Variants in MARK1 observed in about 807,000 individuals in gnomAD.
MARK1 encodes microtubule affinity regulating kinase 1, also known as serine/threonine-protein kinase MARK1.
In MARK1, 40 loss-of-function variants were observed where a neutral mutation model predicts 96.3. The ratio of observed to expected loss-of-function variants is 0.42; its 90% CI spans 0.32 to 0.54. MARK1 has a LOEUF of 0.54. Among genes scored for constraint, MARK1 ranks in the 20% least tolerant of loss-of-function variants. MARK1 has a pLI of 0.16. For missense variants in MARK1, 719 were observed against 984.6 expected, an observed-to-expected ratio of 0.73 and a Z score of 3.61; for synonymous variants, 317 against 341.2, an observed-to-expected ratio of 0.93 and a Z score of 0.78.
intron 6 of MARK1, among the ~76,000 whole-genome samples, chr1:220,615,140 G>A (rs1353647065): frequency 6.6e-6 from 1 of 151,974 alleles, no homozygotes; most frequent in Non-Finnish European, 1.5e-5. Flanking sequence ...TTCTATTTCT[G>A]TATTTTATGT....
rs1391680399 is a variant in MARK1 at position 220,576,401 on chromosome 1, G to A, written c.52-2953G>A. Among the ~76,000 whole-genome samples the A allele has an allele frequency of 4.4e-5, 6 of 136,288 alleles. No individual in the cohort carries two copies. In the East Asian group the frequency reaches 1.4e-3, roughly 31 times the overall value. 89.4% of individuals were successfully genotyped at this position (136,288 alleles called of 152,430 possible). ...TAGCTTGGGACTCGCATACCATCAT[G>A]TCTAACTCATTTTATTGGCCAAAAA... On this transcript the variant is annotated intron_variant, in intron 1 of 17. Coordinates refer to ENST00000366917, the MANE Select transcript of MARK1 (RefSeq NM_018650.5).
At chr1:220,653,516 G>A (rs1190248496) in intron 16 of MARK1, among the ~76,000 whole-genome samples, 164 bp downstream of exon 16, 2 of 152,000 alleles carry the variant, frequency 1.3e-5, no homozygotes, top group East Asian at 3.9e-4. Flanking sequence ...AAGACATAAA[G>A]TATTTTTCCT....
chr1:220,644,338 TA>T (rs1668455927), intron 13 of MARK1, among the ~76,000 whole-genome samples: 1 of 151,392 alleles, frequency 6.6e-6, no homozygotes, highest in African/African-American at 2.4e-5. Context: ...TACATAATGG[TA>T]AAAGGTTCAA....
chr1:220,651,196 AT>A (rs1558324764), intron 14 of MARK1, among the ~76,000 whole-genome samples: 2 of 152,170 alleles, frequency 1.3e-5, no homozygotes, highest in African/African-American at 4.8e-5. Flanking sequence ...AATAAATCAT[AT>A]TATTTTTATT....
intron 3 of MARK1, among the ~76,000 whole-genome samples, chr1:220,595,913 A>G (rs984303575): frequency 9.2e-5 from 14 of 152,164 alleles, no homozygotes; most frequent in African/African-American, 3.4e-4. Flanking sequence ...ATTTCAAGAG[A>G]TGGTGTTGTT....
chr1:220,604,169 T>C, intron 6 of MARK1, 32 bp downstream of exon 6: 1 of 1,494,734 alleles, frequency 6.7e-7, no homozygotes, highest in Non-Finnish European at 9.3e-7. Flanking sequence ...TTTGTTTTGC[T>C]GATAATTGTA....
rs1327619401 is a variant in MARK1 at position 220,556,498 on chromosome 1, A to AAAC, written c.52-22854_52-22853insCAA. Among the ~76,000 whole-genome samples the AAAC allele has an allele frequency of 6.8e-4, 100 of 148,138 alleles. 1 individual carries two copies. The highest frequency in any genetic ancestry group is 8.8e-4 in the Non-Finnish European group (59 of 66,736). On this transcript the variant is annotated intron_variant, in intron 1 of 17. Transcript: ENST00000366917. ...ATGGGACTGTCACAAAAAAAAAAAA[A>AAAC]AAAAAAAACAAATTACAGATTTCAT...
chr1:220,605,393 C>T (rs940821218), intron 6 of MARK1, among the ~76,000 whole-genome samples: 7 of 152,080 alleles, frequency 4.6e-5, no homozygotes, highest in African/African-American at 1.4e-4. Flanking sequence ...CATTCAACCA[C>T]GTACTGTAAT....
At chr1:220,632,156 A>G in intron 10 of MARK1, 45 bp from the exon 11 acceptor site, 1 of 992,578 alleles carries the variant, frequency 1.0e-6, no homozygotes, top group South Asian at 2.1e-5. Flanking sequence ...TTTGTTTACG[A>G]AAATAAAACC....
At chr1:220,649,936 T>G (rs1489146036) in intron 13 of MARK1, among the ~76,000 whole-genome samples, 1 of 152,196 alleles carries the variant, frequency 6.6e-6, no homozygotes, top group Non-Finnish European at 1.5e-5. Context: ...CAACAGTGGG[T>G]TACAGGTCAA....
chr1:220,618,165 A>G lies in MARK1; in HGVS notation c.553-145A>G, dbSNP rs1666861779. Reference sequence around the variant, plus strand: ...GTAATTCAGAACAGTTATGCATTGAAGTACCATACTGGGCTTCTAAATTTG... The same window carrying G: ...GTAATTCAGAACAGTTATGCATTGAGGTACCATACTGGGCTTCTAAATTTG... On this transcript the variant is annotated intron_variant, in intron 7 of 17. Transcript: ENST00000366917. This position sits in a 1 kb window ranked among gnomAD's most constrained non-coding sequence, Gnocchi z 4.6. The G allele has an allele frequency of 6.5e-6, 4 of 615,704 alleles. No individual in the cohort carries two copies. Among genetic ancestry groups the G allele is most frequent in the Non-Finnish European group, 8.6e-6 (3 of 349,820 alleles). 38.1% of individuals were successfully genotyped at this position (615,704 alleles called of 1,614,324 possible).
chr1:220,568,008 T>C (rs1378910572), intron 1 of MARK1, among the ~76,000 whole-genome samples: 1 of 152,160 alleles, frequency 6.6e-6, no homozygotes, highest in Non-Finnish European at 1.5e-5. Context: ...TACACCCCTC[T>C]CATGGTATAA....
At chr1:220,573,797 A>ATGTAGTATATAT (rs1553319816) in intron 1 of MARK1, among the ~76,000 whole-genome samples, 10 of 29,590 alleles carry the variant, frequency 3.4e-4, no homozygotes, top group East Asian at 1.7e-3. Flanking sequence ...ATTGTAGTAT[A>ATGTAGTATATAT]TGTAGTATAT....
At chr1:220,591,999 G>A (rs1342620011) in intron 3 of MARK1, among the ~76,000 whole-genome samples, 1 of 151,776 alleles carries the variant, frequency 6.6e-6, no homozygotes, top group Admixed American at 6.6e-5. Context: ...TATTTCCAAA[G>A]TATTCAATTT....
intron 3 of MARK1, among the ~76,000 whole-genome samples, chr1:220,581,983 A>C (rs533555805): frequency 1.3e-5 from 2 of 152,244 alleles, no homozygotes; most frequent in Admixed American, 1.3e-4. Context: ...CCATTGTCAC[A>C]TATGTAATTT....
At chr1:220,587,329 TTCTCTC>T (rs57932958) in intron 3 of MARK1, among the ~76,000 whole-genome samples, 103 of 135,484 alleles carry the variant, frequency 7.6e-4, no homozygotes, top group Non-Finnish European at 8.9e-4. Flanking sequence ...CTCTCTTTCT[TTCTCTC>T]TCTCTCTCTC....
At chr1:220,636,876 C>T (rs184146947) in intron 13 of MARK1, among the ~76,000 whole-genome samples, 8 of 150,436 alleles carry the variant, frequency 5.3e-5, no homozygotes, top group Admixed American at 5.3e-4. Context: ...GCACTCCAGC[C>T]TGGGCAGCAG....
Position 220,662,034 on chromosome 1 carries a change from C to T in MARK1, c.2256C>T (p.Leu752=), listed in dbSNP as rs771898272. 15 of 1,614,048 alleles carry T rather than the reference C, an allele frequency of 9.3e-6. No homozygotes were observed. The Admixed American group carries it at 1.5e-4, about 16-fold the overall frequency. ...CVHGDARQDS[L]VQWEMEVCKL... ...ATGGAGACGCTAGACAGGATAGCCT[C>T]GTGCAGTGGGAGATGGAAGTCTGCA... The change falls in exon 18 of 18, where the codon CTC becomes CTT. Residue 752 remains leucine, a synonymous_variant. Transcript: ENST00000366917.
intron 17 of MARK1, among the ~76,000 whole-genome samples, chr1:220,660,279 G>A (rs1160777330): frequency 2.6e-5 from 4 of 152,122 alleles, no homozygotes; most frequent in Admixed American, 2.6e-4. Context: ...GAAAAATAGA[G>A]AACACGATGA....
Sources: allele counts gnomAD v4.1 joint callset (sites outside exome capture counted in the v4.1 genomes callset), GRCh38; gene constraint gnomAD v4.1.1; non-coding constraint Gnocchi (gnomAD v3.1); transcripts MANE v1.5; gene names NCBI Gene and HGNC (gene_info 2026-07-23, HGNC 2026-07-21).